The following SHANK2 variants were observed in gnomAD, a reference collection of about 807,000 sequenced individuals.
SHANK2 encodes SH3 and multiple ankyrin repeat domains 2.
A neutral mutation model predicts 133.7 loss-of-function variants in SHANK2; 43 were observed. The ratio of observed to expected loss-of-function variants is 0.32; its 90% CI spans 0.25 to 0.41. SHANK2 has a LOEUF of 0.41. SHANK2 is among the 10% of genes least tolerant of loss of function. The pLI, the probability that SHANK2 is intolerant of heterozygous loss-of-function variation, is 1.00. For synonymous variants in SHANK2, 1,017 were observed against 952.8 expected, an observed-to-expected ratio of 1.07 and a Z score of -1.24; for missense variants, 1,994 against 2,235.8, an observed-to-expected ratio of 0.89 and a Z score of 2.18.
At chr11:70,622,989 C>T (rs1229403263) in intron 17 of SHANK2, among the ~76,000 whole-genome samples, 1 of 152,092 alleles carries the variant, frequency 6.6e-6, no homozygotes, top group Non-Finnish European at 1.5e-5. Context: ...CCAGCCTGAC[C>T]AACATGGTGA....
At chr11:70,864,075 G>A in intron 11 of SHANK2, 1 of 329,946 alleles carries the variant, frequency 3.0e-6, no homozygotes, top group South Asian at 2.4e-5. Context: ...CACAAGAAAG[G>A]GACCCTCCAG....
At chr11:70,827,659 G>C (rs1387775810) in intron 11 of SHANK2, among the ~76,000 whole-genome samples, 1 of 109,138 alleles carries the variant, frequency 9.2e-6, no homozygotes, top group African/African-American at 3.7e-5. Context: ...TTTTTTTTCT[G>C]GTTGCTAAGA....
chr11:71,241,872 G>C (rs782049058), intron 1 of SHANK2, among the ~76,000 whole-genome samples: 9 of 152,218 alleles, frequency 5.9e-5, no homozygotes, highest in Non-Finnish European at 1.0e-4. Flanking sequence ...GACCAGACGG[G>C]CCTGGGGCTG....
chr11:71,093,051 A>AGG (rs33983330), intron 7 of SHANK2, among the ~76,000 whole-genome samples: 14,077 of 69,926 alleles, frequency 0.2, 2,916 homozygotes, highest in Non-Finnish European at 0.28. Flanking sequence ...TCAAAAATAA[A>AGG]GGGGGGGGGG....
At chr11:70,731,065 A>G (rs1428140390) in intron 14 of SHANK2, among the ~76,000 whole-genome samples, 1 of 152,148 alleles carries the variant, frequency 6.6e-6, no homozygotes, top group Non-Finnish European at 1.5e-5. Flanking sequence ...CCAACGCCTA[A>G]TTTGACTGTA....
At chr11:70,605,177 GC>G (rs1565171885) in intron 17 of SHANK2, among the ~76,000 whole-genome samples, 2 of 151,382 alleles carry the variant, frequency 1.3e-5, no homozygotes, top group Admixed American at 1.3e-4. Context: ...CATAAAAAAA[GC>G]CCCCTGTCAT....
chr11:71,184,856 C>T (rs868967878), intron 2 of SHANK2, among the ~76,000 whole-genome samples: 4 of 152,182 alleles, frequency 2.6e-5, no homozygotes, highest in Non-Finnish European at 5.9e-5. Flanking sequence ...TTGACTGGGC[C>T]TGCACTGCCC....
intron 17 of SHANK2, among the ~76,000 whole-genome samples, chr11:70,649,685 T>C (rs2061316678): frequency 6.6e-6 from 1 of 152,060 alleles, no homozygotes; most frequent in Admixed American, 6.5e-5. Flanking sequence ...CACCAATGGG[T>C]GCATCAGAGG....
intron 2 of SHANK2, among the ~76,000 whole-genome samples, chr11:71,204,464 G>A (rs1954087184): frequency 1.3e-5 from 2 of 152,110 alleles, no homozygotes; most frequent in Admixed American, 6.5e-5. Context: ...ACACGTTCTC[G>A]GGTGACAGGC....
chr11:70,661,023 C>T lies in SHANK2; in HGVS notation c.1936+573G>A, dbSNP rs117054772. 4.7e-3 allele frequency among the ~76,000 whole-genome samples: 717 copies of T among 152,348 alleles called. 2 individuals are homozygous for T. The highest frequency in any genetic ancestry group is 7.8e-3 in the Non-Finnish European group (528 of 68,030). On this transcript the variant is annotated intron_variant, in intron 16 of 25. Transcript: ENST00000601538. Reference sequence around the variant, plus strand: ...ATGGACTGCATTCCTGAGCCTCCCACGACGGGCCACGTAACGTGTGTGCTG... The same window carrying T: ...ATGGACTGCATTCCTGAGCCTCCCATGACGGGCCACGTAACGTGTGTGCTG...
At chr11:70,773,950 T>C (rs1947308355) in intron 14 of SHANK2, among the ~76,000 whole-genome samples, 1 of 152,190 alleles carries the variant, frequency 6.6e-6, no homozygotes, top group Admixed American at 6.5e-5. Flanking sequence ...TACAGTTCCC[T>C]TGTGACCTAG....
chr11:70,909,550 G>A (rs782498690), intron 10 of SHANK2, among the ~76,000 whole-genome samples: 4 of 152,138 alleles, frequency 2.6e-5, no homozygotes, highest in Admixed American at 6.5e-5. Flanking sequence ...TAGAGCTGTC[G>A]TGATCCTTGT....
At chr11:70,676,676 G>A (rs1555017284) in intron 15 of SHANK2, among the ~76,000 whole-genome samples, 1 of 152,190 alleles carries the variant, frequency 6.6e-6, no homozygotes, top group African/African-American at 2.4e-5. Context: ...AGGGGGCAGG[G>A]TAGTTATTAA....
intron 10 of SHANK2, among the ~76,000 whole-genome samples, chr11:70,941,860 A>T (rs1555084457): frequency 6.6e-6 from 1 of 150,470 alleles, no homozygotes; most frequent in South Asian, 2.1e-4. Context: ...TATAATATAT[A>T]ATAATAATAA....
intron 11 of SHANK2, among the ~76,000 whole-genome samples, chr11:70,873,278 A>C (rs2135548930): frequency 6.6e-6 from 1 of 152,268 alleles, no homozygotes; most frequent in South Asian, 2.1e-4. Context: ...CTCTGACAAA[A>C]CCCATGAGGA....
At position 70,569,992 on chromosome 11, in the gene SHANK2, G is replaced by A. The variant is rs1161412843; in HGVS notation, c.2062-67061C>T. On this transcript the variant is annotated intron_variant, in intron 17 of 25. Transcript: ENST00000601538. This position sits in a 1 kb window ranked among gnomAD's most constrained non-coding sequence, Gnocchi z 5.1. ...ACAGAGACAGGCCCCCAGCACCATT[G>A]TGGACTCCTGCCTCCAGCTGTTGAG... Among the ~76,000 whole-genome samples the A allele has an allele frequency of 2.0e-5, 3 of 151,662 alleles. No homozygotes were observed. Among genetic ancestry groups the A allele is most frequent in the African/African-American group, 7.3e-5 (3 of 41,286 alleles).
intron 1 of SHANK2, among the ~76,000 whole-genome samples, chr11:71,241,310 T>G (rs1409658317): frequency 6.6e-6 from 1 of 152,202 alleles, no homozygotes; most frequent in Non-Finnish European, 1.5e-5. Context: ...CTGAGCTACA[T>G]GATCAACTCA....
chr11:71,194,225 G>C (rs1433703399), intron 2 of SHANK2, among the ~76,000 whole-genome samples: 1 of 152,154 alleles, frequency 6.6e-6, no homozygotes, highest in Non-Finnish European at 1.5e-5. Flanking sequence ...TGGGGATGCT[G>C]GTCTGTAGGT....
intron 10 of SHANK2, among the ~76,000 whole-genome samples, chr11:70,927,843 G>A (rs1332955863): frequency 6.6e-6 from 1 of 152,140 alleles, no homozygotes; most frequent in Admixed American, 6.5e-5. Context: ...AATCCGTTGA[G>A]GGTCTGAATA....
Sources: gnomAD v4.1 joint callset for allele counts (sites outside exome capture counted in the v4.1 genomes callset) on GRCh38, gnomAD v4.1.1 for gene constraint, Gnocchi (gnomAD v3.1) non-coding constraint, MANE v1.5 for transcripts, NCBI Gene and HGNC (gene_info 2026-07-23, HGNC 2026-07-21) for gene names.